GTF2A2: variants seen among roughly 807,000 people sequenced by gnomAD.
GTF2A2 encodes transcription initiation factor IIA subunit 2.
A neutral mutation model predicts 14.3 loss-of-function variants in GTF2A2; 9 were observed. That is an observed-to-expected ratio of 0.63 (90% confidence interval 0.38 to 1.10). The LOEUF (loss-of-function observed/expected upper bound fraction) is 1.10, where lower values mean the gene tolerates loss of function less well. GTF2A2 is among the 50% of genes least tolerant of loss of function. The pLI, the probability that GTF2A2 is intolerant of heterozygous loss-of-function variation, is 0.01. For synonymous variants in GTF2A2, 56 were observed against 46.0 expected, an observed-to-expected ratio of 1.22 and a Z score of -0.88; for missense variants, 90 against 124.6, an observed-to-expected ratio of 0.72 and a Z score of 1.32.
chr15:59,650,605 A>G, intron 3 of GTF2A2, 64 bp downstream of exon 3: 1 of 798,356 alleles, frequency 1.3e-6, no homozygotes. Flanking sequence ...TAGGGGTCCT[A>G]AAAAAAAATC....
At chr15:59,641,014 G>GAGACT (rs1891402290) in intron 4 of GTF2A2, among the ~76,000 whole-genome samples, 1 of 152,116 alleles carries the variant, frequency 6.6e-6, no homozygotes, top group Non-Finnish European at 1.5e-5. Flanking sequence ...ATATCTGGAA[G>GAGACT]AGACTATTTC....
intron 4 of GTF2A2, among the ~76,000 whole-genome samples, chr15:59,640,402 C>T (rs1430497192): frequency 6.6e-6 from 1 of 152,210 alleles, no homozygotes; most frequent in Non-Finnish European, 1.5e-5. Context: ...TGGTTCTCAG[C>T]TATGGTTCAA....
intron 1 of GTF2A2, among the ~76,000 whole-genome samples, chr15:59,655,678 C>G (rs1459004729): frequency 2.6e-5 from 4 of 152,224 alleles, no homozygotes; most frequent in Non-Finnish European, 5.9e-5. Context: ...TTAAGTACCA[C>G]TGCTGATGAT....
At chr15:59,649,779 T>C (rs915457763) in intron 3 of GTF2A2, among the ~76,000 whole-genome samples, 1 of 152,180 alleles carries the variant, frequency 6.6e-6, no homozygotes, top group Admixed American at 6.5e-5. Context: ...ATCTAGAACA[T>C]GCCTGGTATG....
At chr15:59,646,436 T>C (rs1216414186) in intron 3 of GTF2A2, among the ~76,000 whole-genome samples, 6 of 152,176 alleles carry the variant, frequency 3.9e-5, no homozygotes. Flanking sequence ...CAAAGTCATA[T>C]CATTCTTATG....
At chr15:59,640,853 TATTGTTCCTTGCTGTAATGACAA>T in intron 4 of GTF2A2, among the ~76,000 whole-genome samples, 1 of 3,550 alleles carries the variant, frequency 2.8e-4, no homozygotes, top group East Asian at 3.1e-3. Context: ...AAGACCCAAA[TATTGTTCCTTGCTGTAATGACAA>T]AGATGTATCT....
At position 59,638,277 on chromosome 15, in the gene GTF2A2, A is replaced by C. The variant is rs1223557027; in HGVS notation, c.*855T>G. On this transcript the variant is annotated 3_prime_UTR_variant, in exon 5 of 5. Transcript: ENST00000396060. ...TGAGGTAACAACTGCAGGAGCATCG[A>C]GGTAACAGCAAAAATCTTTTACTCC... 1 of 152,156 alleles carries C rather than the reference A, an allele frequency of 6.6e-6. No homozygotes were observed. Among genetic ancestry groups the C allele is most frequent in the Non-Finnish European group, 1.5e-5 (1 of 68,040 alleles). 9.4% of individuals were successfully genotyped at this position (152,156 alleles called of 1,614,324 possible). A position where few individuals can be genotyped will look rare whatever the true frequency, so the allele number is the denominator to read the frequency against.
At chr15:59,650,380 G>C (rs1891755078) in intron 3 of GTF2A2, among the ~76,000 whole-genome samples, 1 of 152,160 alleles carries the variant, frequency 6.6e-6, no homozygotes, top group South Asian at 2.1e-4. Context: ...TAATATTTCA[G>C]GTGTTTGGAA....
chr15:59,639,073 C>T lies in GTF2A2; in HGVS notation c.*59G>A. 1 of 958,748 alleles carries T rather than the reference C, an allele frequency of 1.0e-6. No homozygotes were observed. The highest frequency in any genetic ancestry group is 1.7e-6 in the Non-Finnish European group (1 of 587,092). The allele number at this position is 958,748 out of a possible 1,614,324, so 59.4% of individuals were successfully genotyped here. A position where few individuals can be genotyped will look rare whatever the true frequency, so the allele number is the denominator to read the frequency against. On this transcript the variant is annotated 3_prime_UTR_variant, in exon 5 of 5. Coordinates refer to ENST00000396060, the MANE Select transcript of GTF2A2 (RefSeq NM_004492.3). ...GAATAAATAAAAAGTCTCTTCTATG[C>T]TTCTCTTCAAAAGCAATGAATAACA...
chr15:59,649,436 G>A (rs1891722583), intron 3 of GTF2A2, among the ~76,000 whole-genome samples: 1 of 152,138 alleles, frequency 6.6e-6, no homozygotes, highest in Non-Finnish European at 1.5e-5. Flanking sequence ...TGACTAGTTA[G>A]GCCTTGTGAA....
rs374075324 is a variant in GTF2A2, at chr15:59,641,181, C to CTTTTTTT, written c.304+948_304+954dup. 7.2e-3 allele frequency among the ~76,000 whole-genome samples: 1,019 copies of CTTTTTTT among 141,240 alleles called. 13 individuals are homozygous for CTTTTTTT. The highest frequency in any genetic ancestry group is 0.026 in the African/African-American group (968 of 37,426). The allele number at this position is 141,240 out of a possible 152,430, so 92.7% of individuals were successfully genotyped here. A position where few individuals can be genotyped will look rare whatever the true frequency, so the allele number is the denominator to read the frequency against. Reference sequence around the variant, plus strand: ...CCAGCCTGGGCAATACAGCAAGACTCTTTTTTTTTTTTTTTTTTTAAGGCT... The same window carrying CTTTTTTT: ...CCAGCCTGGGCAATACAGCAAGACTCTTTTTTTTTTTTTTTTTTTTTTTTTTAAGGCT... On this transcript the variant is annotated intron_variant, in intron 4 of 4. Coordinates refer to ENST00000396060, the MANE Select transcript of GTF2A2 (RefSeq NM_004492.3).
At chr15:59,639,956 G>A (rs1891346750) in intron 4 of GTF2A2, 1 of 151,968 alleles carries the variant, frequency 6.6e-6, no homozygotes, top group South Asian at 2.1e-4. Flanking sequence ...TCACCATGTT[G>A]GCCAGGCTGC....
intron 1 of GTF2A2, among the ~76,000 whole-genome samples, chr15:59,653,283 G>A (rs1891848302): frequency 1.3e-5 from 2 of 152,132 alleles, no homozygotes; most frequent in South Asian, 2.1e-4. Context: ...TCCACTACAC[G>A]TCAGGTGTAA....
chr15:59,640,441 ACT>A (rs1274651722), intron 4 of GTF2A2, among the ~76,000 whole-genome samples: 1 of 152,140 alleles, frequency 6.6e-6, no homozygotes, highest in Non-Finnish European at 1.5e-5. Flanking sequence ...TGAAACTGAC[ACT>A]CTACTAGTCT....
chr15:59,641,301 A>AGAACGTTTTTCTTCC (rs1891417595), intron 4 of GTF2A2, among the ~76,000 whole-genome samples: 2 of 152,162 alleles, frequency 1.3e-5, no homozygotes, highest in African/African-American at 2.4e-5. Flanking sequence ...AGTGTTACAG[A>AGAACGTTTTTCTTCC]GAACGTTTTT....
chr15:59,645,867 T>C (rs1001855375), intron 3 of GTF2A2, among the ~76,000 whole-genome samples: 9 of 151,980 alleles, frequency 5.9e-5, no homozygotes, highest in Admixed American at 2.0e-4. Flanking sequence ...AAACCCCGTC[T>C]CTACGTAAAT....
At position 59,638,432 on chromosome 15, in the gene GTF2A2, A is replaced by C. The variant is rs1489481173; in HGVS notation, c.*700T>G. 6 of 135,700 alleles carry C rather than the reference A, an allele frequency of 4.4e-5. No homozygotes were observed. The highest frequency in any genetic ancestry group is 1.5e-4 in the African/African-American group (6 of 40,310). The allele number at this position is 135,700 out of a possible 1,614,324, so 8.4% of individuals were successfully genotyped here. A position where few individuals can be genotyped will look rare whatever the true frequency, so the allele number is the denominator to read the frequency against. Reference sequence around the variant, plus strand: ...TTAGACTTTATTGTAAGTCTAATGTATCTTGTACATGATAAAATGTATGAA... The same window carrying C: ...TTAGACTTTATTGTAAGTCTAATGTCTCTTGTACATGATAAAATGTATGAA... On this transcript the variant is annotated 3_prime_UTR_variant, in exon 5 of 5. Transcript: ENST00000396060.
At chr15:59,653,558 G>A (rs542923095) in intron 1 of GTF2A2, among the ~76,000 whole-genome samples, 64 of 152,178 alleles carry the variant, frequency 4.2e-4, no homozygotes, top group African/African-American at 1.4e-3. Flanking sequence ...TCCCTGACTT[G>A]TAACTGTTGA....
At position 59,654,908 on chromosome 15, in the gene GTF2A2, C is replaced by T. The variant is rs139467426; in HGVS notation, c.-50+2498G>A. On this transcript the variant is annotated intron_variant, in intron 1 of 4. Coordinates refer to ENST00000396060, the MANE Select transcript of GTF2A2 (RefSeq NM_004492.3). Reference sequence around the variant, plus strand: ...CCCCAAATTCAAGCTCTGAAATGCTCCAAAGAGCATTTCCTTTCAGTGTCA... The same window carrying T: ...CCCCAAATTCAAGCTCTGAAATGCTTCAAAGAGCATTTCCTTTCAGTGTCA... Among the ~76,000 whole-genome samples the T allele has an allele frequency of 8.3e-3, 1,258 of 152,230 alleles. 14 individuals carry two copies. Among genetic ancestry groups the T allele is most frequent in the African/African-American group, 0.029 (1,202 of 41,534 alleles).
Sources: allele counts gnomAD v4.1 joint callset (sites outside exome capture counted in the v4.1 genomes callset), GRCh38; gene constraint gnomAD v4.1.1; transcripts MANE v1.5; gene names NCBI Gene and HGNC (gene_info 2026-07-23, HGNC 2026-07-21).